CD244: variants seen among roughly 807,000 people sequenced by gnomAD.
CD244 encodes the protein natural killer cell receptor 2B4.
CD244 carries 20 observed loss-of-function variants against 45.5 expected under a neutral mutation model. The observed-to-expected ratio is 0.44, with a 90% CI of 0.31 to 0.64. The LOEUF (loss-of-function observed/expected upper bound fraction) is 0.64, where lower values mean the gene tolerates loss of function less well. Among genes scored for constraint, CD244 ranks in the 30% least tolerant of loss-of-function variants. CD244 has a pLI of 0.08. For synonymous variants in CD244, 185 were observed against 160.5 expected, an observed-to-expected ratio of 1.15 and a Z score of -1.15; for missense variants, 407 against 426.9, an observed-to-expected ratio of 0.95 and a Z score of 0.41.
chr1:160,859,922 T>C (rs776534705), intron 1 of CD244, among the ~76,000 whole-genome samples: 55 of 151,620 alleles, frequency 3.6e-4, no homozygotes, highest in Admixed American at 1.3e-3. Context: ...AAAATAATAA[T>C]AGGCCGGGCA....
chr1:160,838,523 G>C lies in CD244; in HGVS notation c.767-5C>G. ...AAAATTCCTTGGGACTGGTCTCTGA[G>C]GGAGGAAGAAAACAAAGAGCAGAGC... On this transcript the variant is annotated splice_polypyrimidine_tract_variant and splice_region_variant and intron_variant, in intron 4 of 8. Transcript: ENST00000368034. 1 of 1,608,898 alleles carries C rather than the reference G, an allele frequency of 6.2e-7. No individual in the cohort carries two copies. The highest frequency in any genetic ancestry group is 8.5e-7 in the Non-Finnish European group (1 of 1,175,276).
At position 160,862,752 on chromosome 1, in the gene CD244, C is replaced by G; in HGVS notation, c.-75G>C. ...CTGCCGTGCACGGGCTCAGCAGTCCCCAGTCAGCAAGAGGACGATGGGGAG... is the reference window on the plus strand; with the variant it reads ...CTGCCGTGCACGGGCTCAGCAGTCCGCAGTCAGCAAGAGGACGATGGGGAG... On this transcript the variant is annotated 5_prime_UTR_variant, in exon 1 of 9. Coordinates refer to ENST00000368034, the MANE Select transcript of CD244 (RefSeq NM_016382.4). The G allele has an allele frequency of 7.3e-7, 1 of 1,376,086 alleles. No homozygotes were observed. Among genetic ancestry groups the G allele is most frequent in the South Asian group, 1.2e-5 (1 of 82,940 alleles). 85.2% of individuals were successfully genotyped at this position (1,376,086 alleles called of 1,614,324 possible).
rs547841274 is a variant in CD244, at chr1:160,833,229, C to G, written c.961-654G>C. On this transcript the variant is annotated intron_variant, in intron 7 of 8. Transcript: ENST00000368034. ...AGCATATAATTAAAAACAAATCTCT[C>G]TCACGATGGGATCCAAGTAGGTTGA... Among the ~76,000 whole-genome samples the G allele has an allele frequency of 3.3e-5, 5 of 152,252 alleles. No homozygotes were observed. The East Asian group carries it at 9.7e-4, about 29-fold the overall frequency.
At chr1:160,862,184 C>T (rs1670333601) in intron 1 of CD244, among the ~76,000 whole-genome samples, 2 of 152,222 alleles carry the variant, frequency 1.3e-5, no homozygotes, top group Non-Finnish European at 2.9e-5. Context: ...CCTCCCCTCC[C>T]TGGGCTCAGC....
chr1:160,841,691 C>A lies in CD244; in HGVS notation c.272G>T (p.Ser91Ile). ...CTGCTGAGCTGCCTTGATGAGAAGA[C>A]TCAAGTTCTTGACTATAAAACTGAA... ...DRFSFIVKNL[S>I]LLIKAAQQQD... The change falls in exon 2 of 9, where the codon AGT (serine) becomes ATT (isoleucine). Residue 91 changes from serine (S) to isoleucine (I), a missense_variant. Ser to Ile is a moderately radical substitution (Grantham distance 142). Coordinates refer to ENST00000368034, the MANE Select transcript of CD244 (RefSeq NM_016382.4). 1 of 1,614,172 alleles carries A rather than the reference C, an allele frequency of 6.2e-7. No homozygotes were observed. Among genetic ancestry groups the A allele is most frequent in the South Asian group, 1.1e-5 (1 of 91,092 alleles).
intron 1 of CD244, among the ~76,000 whole-genome samples, chr1:160,853,636 T>C (rs1478463214): frequency 6.6e-6 from 1 of 152,134 alleles, no homozygotes; most frequent in East Asian, 1.9e-4. Flanking sequence ...AACATTACCA[T>C]AGCAAGTGAA....
At chr1:160,862,565 G>A (rs1670348357) in intron 1 of CD244, 52 bp downstream of exon 1, 3 of 1,536,524 alleles carry the variant, frequency 2.0e-6, no homozygotes, top group Non-Finnish European at 2.7e-6. Context: ...TCTCCCTGAG[G>A]GGCACAGCTC....
chr1:160,839,111 T>G (rs1297714936), intron 3 of CD244, 62 bp from the exon 4 acceptor site: 6 of 1,264,984 alleles, frequency 4.7e-6, no homozygotes, highest in Non-Finnish European at 6.8e-6. Context: ...CCTTCCCACC[T>G]GCCTGCTGCA....
At chr1:160,843,317 T>C (rs769047127) in intron 1 of CD244, among the ~76,000 whole-genome samples, 3 of 152,236 alleles carry the variant, frequency 2.0e-5, no homozygotes, top group Non-Finnish European at 4.4e-5. Flanking sequence ...TGTGCATCTC[T>C]GTGTCTCTGT....
chr1:160,860,886 AG>A (rs1670275973), intron 1 of CD244, among the ~76,000 whole-genome samples: 1 of 152,224 alleles, frequency 6.6e-6, no homozygotes, highest in Non-Finnish European at 1.5e-5. Context: ...CACAGGATGG[AG>A]GAGGAAGCAG....
intron 6 of CD244, among the ~76,000 whole-genome samples, chr1:160,834,401 G>A (rs1669252020): frequency 6.6e-6 from 1 of 152,170 alleles, no homozygotes; most frequent in South Asian, 2.1e-4. Flanking sequence ...TATTGCCTGG[G>A]CTGGAGTGCA....
Position 160,834,265 on chromosome 1 carries a change from A to G in CD244, c.895-149T>C, listed in dbSNP as rs529475748. On this transcript the variant is annotated intron_variant, in intron 6 of 8. Coordinates refer to ENST00000368034, the MANE Select transcript of CD244 (RefSeq NM_016382.4). ...AGCCCTGGACTAGCCAGGAGGTCAG[A>G]CAACCTGAGTGCTAGTCTCGCTCTG... 7.4e-5 allele frequency: 46 copies of G among 620,974 alleles called. No individual in the cohort carries two copies. In the African/African-American group the frequency reaches 8.5e-4, roughly 11 times the overall value. The allele number at this position is 620,974 out of a possible 1,614,324, so 38.5% of individuals were successfully genotyped here. A position where few individuals can be genotyped will look rare whatever the true frequency, so the allele number is the denominator to read the frequency against.
intron 1 of CD244, among the ~76,000 whole-genome samples, chr1:160,844,958 C>T (rs1180142331): frequency 6.6e-6 from 1 of 152,064 alleles, no homozygotes; most frequent in African/African-American, 2.4e-5. Context: ...GCCTGCATGA[C>T]AGAGCAAGAC....
intron 1 of CD244, among the ~76,000 whole-genome samples, chr1:160,852,958 G>A (rs2101889501): frequency 6.6e-6 from 1 of 152,226 alleles, no homozygotes; most frequent in South Asian, 2.1e-4. Context: ...GAGAGGCGGA[G>A]GTTGCAGTGA....
At position 160,849,283 on chromosome 1, in the gene CD244, C is replaced by CTTTTTTTTTT. The variant is rs371170555; in HGVS notation, c.62-7392_62-7383dup. Among the ~76,000 whole-genome samples the CTTTTTTTTTT allele has an allele frequency of 5.0e-4, 70 of 139,266 alleles. 1 individual carries two copies. The highest frequency in any genetic ancestry group is 3.8e-3 in the Middle Eastern group (1 of 264). 91.4% of individuals were successfully genotyped at this position (139,266 alleles called of 152,430 possible). On this transcript the variant is annotated intron_variant, in intron 1 of 8. Coordinates refer to ENST00000368034, the MANE Select transcript of CD244 (RefSeq NM_016382.4). ...CATTCACATTTGTACCCATCTCTTT[C>CTTTTTTTTTT]TTTTTTTTTTTTTTGTTTTACTTTA...
intron 1 of CD244, among the ~76,000 whole-genome samples, chr1:160,861,051 C>T (rs1436055837): frequency 1.3e-5 from 2 of 152,200 alleles, no homozygotes; most frequent in African/African-American, 4.8e-5. Flanking sequence ...AGGCTCATGA[C>T]CTCAGGGTCA....
In CD244 at chr1:160,838,503, T is replaced by A. The variant is rs1479453512; in HGVS notation, c.782A>T (p.Glu261Val). ...KEKQSETSPKEFLTIYEDVKD... is the reference protein window; with the variant it reads ...KEKQSETSPKVFLTIYEDVKD... ...GACATCTTCGTAAATTGTCAAAAAT[T>A]CCTTGGGACTGGTCTCTGAGGGAGG... The change falls in exon 5 of 9, where the codon GAA becomes GTA. Residue 261 changes from glutamate to valine, a missense_variant. Glu to Val is a moderately radical substitution (Grantham distance 121). Coordinates refer to ENST00000368034, the MANE Select transcript of CD244 (RefSeq NM_016382.4). 3 of 1,612,930 alleles carry A rather than the reference T, an allele frequency of 1.9e-6. No homozygotes were observed. The East Asian group carries it at 6.7e-5, about 36-fold the overall frequency.
Position 160,830,737 on chromosome 1 carries a change from C to T in CD244, c.*610G>A, listed in dbSNP as rs1669082405. The T allele has an allele frequency of 6.5e-6, 1 of 152,872 alleles. No homozygotes were observed. The highest frequency in any genetic ancestry group is 1.5e-5 in the Non-Finnish European group (1 of 68,518). The allele number at this position is 152,872 out of a possible 1,614,324, so 9.5% of individuals were successfully genotyped here. On this transcript the variant is annotated 3_prime_UTR_variant, in exon 9 of 9. Coordinates refer to ENST00000368034, the MANE Select transcript of CD244 (RefSeq NM_016382.4). ...CATCTACTCTCCCTTCAGCCCACTC[C>T]CCCTGGTGGCCAACTGGCCAGAGGT...
rs1224296683 is a variant in CD244, at chr1:160,832,575, A to G, written c.961T>C (p.Ser321Pro). 1 of 1,612,816 alleles carries G rather than the reference A, an allele frequency of 6.2e-7. No individual in the cohort carries two copies. The highest frequency in any genetic ancestry group is 1.7e-5 in the Admixed American group (1 of 59,878). The change falls in exon 8 of 9, where the codon TCT (serine) becomes CCT (proline). Residue 321 changes from serine to proline, a missense_variant and splice_region_variant. Transcript: ENST00000368034. ...CTGTGGTTCCTCTTCCTGGATCCAG[A>G]CTAGAAATTCAGAAGGTAAAGAATA... is the stretch of plus-strand genomic sequence containing the variant. ...LYSLIQPSRK[S>P]GSRKRNHSPS... is the part of the protein sequence containing the mutation.
Sources: gnomAD v4.1 joint callset for allele counts (sites outside exome capture counted in the v4.1 genomes callset) on GRCh38, gnomAD v4.1.1 for gene constraint, MANE v1.5 for transcripts, NCBI Gene and HGNC (gene_info 2026-07-23, HGNC 2026-07-21) for gene names.